The following PTPRD variants were observed in gnomAD, a reference collection of about 807,000 sequenced individuals.
PTPRD encodes the protein protein tyrosine phosphatase receptor type D.
PTPRD carries 34 observed loss-of-function variants against 214.5 expected under a neutral mutation model. The ratio of observed to expected loss-of-function variants is 0.16; its 90% CI spans 0.12 to 0.21. The LOEUF (loss-of-function observed/expected upper bound fraction) is 0.21, where lower values mean the gene tolerates loss of function less well. Among genes scored for constraint, PTPRD ranks in the 10% least tolerant of loss-of-function variants. The pLI is 1.00. For missense variants in PTPRD, 2,545 were observed against 2,398.7 expected (o/e 1.06, Z -1.27); for synonymous variants, 1,128 against 845.7 (o/e 1.33, Z -5.79).
At chr9:9,774,041 A>T (rs1264277496) in intron 5 of PTPRD, among the ~76,000 whole-genome samples, 1 of 152,202 alleles carries the variant, frequency 6.6e-6, no homozygotes, top group Non-Finnish European at 1.5e-5. Flanking sequence ...CATGCAGGTA[A>T]GTGGACATCT....
chr9:9,964,260 C>G (rs1024712338), intron 4 of PTPRD, among the ~76,000 whole-genome samples: 2 of 152,150 alleles, frequency 1.3e-5, no homozygotes, highest in Non-Finnish European at 2.9e-5. Context: ...AAATATTTAA[C>G]CGCTACTAGG....
At chr9:9,739,340 C>A (rs531005375) in intron 6 of PTPRD, among the ~76,000 whole-genome samples, 1 of 152,146 alleles carries the variant, frequency 6.6e-6, no homozygotes, top group African/African-American at 2.4e-5. Flanking sequence ...AGAAAGCACA[C>A]TTCTATAAGA....
chr9:10,017,349 A>T (rs1292526299), intron 4 of PTPRD, among the ~76,000 whole-genome samples: 1 of 151,886 alleles, frequency 6.6e-6, no homozygotes, highest in Non-Finnish European at 1.5e-5. Context: ...TTTAAGTTAT[A>T]TGTGTTGCAT....
chr9:9,012,441 C>G (rs980441706), intron 11 of PTPRD, among the ~76,000 whole-genome samples: 1 of 152,130 alleles, frequency 6.6e-6, no homozygotes, highest in South Asian at 2.1e-4. Context: ...GACCATAAGC[C>G]AAGCATTATT....
chr9:8,551,252 A>AT (rs1003950400), intron 14 of PTPRD, among the ~76,000 whole-genome samples: 18 of 151,894 alleles, frequency 1.2e-4, no homozygotes, highest in Non-Finnish European at 2.4e-4. Context: ...TTGTAATTAA[A>AT]TTTTTTTTCA....
intron 2 of PTPRD, among the ~76,000 whole-genome samples, chr9:10,412,285 T>C (rs1156559543): frequency 6.6e-6 from 1 of 151,648 alleles, no homozygotes; most frequent in Non-Finnish European, 1.5e-5. Flanking sequence ...ACTACGAACA[T>C]CTCTATGCAC....
At chr9:9,878,194 C>T (rs57195658) in intron 5 of PTPRD, among the ~76,000 whole-genome samples, 9,022 of 152,070 alleles carry the variant, frequency 0.059, 845 homozygotes, top group African/African-American at 0.2. Flanking sequence ...TTAAATACTA[C>T]ACAAAATACC....
chr9:10,104,833 G>C (rs1315918507), intron 3 of PTPRD, among the ~76,000 whole-genome samples: 1 of 151,818 alleles, frequency 6.6e-6, no homozygotes, highest in Middle Eastern at 3.2e-3. Context: ...CTTTATACTG[G>C]TCCTTAGCAT....
At chr9:8,847,640 T>A (rs2097724910) in intron 11 of PTPRD, among the ~76,000 whole-genome samples, 2 of 152,248 alleles carry the variant, frequency 1.3e-5, no homozygotes, top group Admixed American at 1.3e-4. Context: ...ATTTTCCAAA[T>A]CATCAAACAA....
intron 11 of PTPRD, among the ~76,000 whole-genome samples, chr9:8,811,181 G>T (rs77985633): frequency 6.6e-6 from 1 of 152,090 alleles, no homozygotes; most frequent in African/African-American, 2.4e-5. Context: ...ATTAATGGGC[G>T]CAGTCTTGAT....
chr9:9,616,134 G>C (rs61142825), intron 7 of PTPRD, among the ~76,000 whole-genome samples: 5,330 of 152,186 alleles, frequency 0.035, 312 homozygotes, highest in African/African-American at 0.12. Context: ...AGGCTCATAA[G>C]AAAGAAAGAC....
intron 2 of PTPRD, among the ~76,000 whole-genome samples, chr9:10,468,716 G>A (rs947189746): frequency 6.6e-6 from 1 of 152,008 alleles, no homozygotes; most frequent in African/African-American, 2.4e-5. Flanking sequence ...ACTCTTGAGA[G>A]GATGTCTTTC....
chr9:9,012,290 A>G (rs2099515096), intron 11 of PTPRD, among the ~76,000 whole-genome samples: 1 of 152,182 alleles, frequency 6.6e-6, no homozygotes, highest in Non-Finnish European at 1.5e-5. Context: ...ATTCTTGCAG[A>G]GGACCCAACT....
At chr9:10,189,146 A>G (rs967826966) in intron 3 of PTPRD, among the ~76,000 whole-genome samples, 3 of 152,182 alleles carry the variant, frequency 2.0e-5, no homozygotes, top group Non-Finnish European at 4.4e-5. Flanking sequence ...CTATGAATAA[A>G]TGCTTTGGAC....
At chr9:9,898,151 G>C (rs2075499437) in intron 5 of PTPRD, among the ~76,000 whole-genome samples, 1 of 152,016 alleles carries the variant, frequency 6.6e-6, no homozygotes, top group African/African-American at 2.4e-5. Flanking sequence ...AACTTCTACA[G>C]TTTTAAATAT....
intron 3 of PTPRD, among the ~76,000 whole-genome samples, chr9:10,099,531 T>A (rs1366180519): frequency 1.3e-5 from 2 of 151,830 alleles, no homozygotes; most frequent in Admixed American, 1.3e-4. Flanking sequence ...TTTGTGAAAT[T>A]TGCAATTAAC....
At chr9:8,392,167 T>G (rs1028208362) in intron 36 of PTPRD, among the ~76,000 whole-genome samples, 2 of 152,198 alleles carry the variant, frequency 1.3e-5, no homozygotes, top group Admixed American at 1.3e-4. Context: ...GGAGGATCAC[T>G]TGAGCCCAGG....
At chr9:9,438,994 A>G (rs1340151476) in intron 8 of PTPRD, among the ~76,000 whole-genome samples, 1 of 152,142 alleles carries the variant, frequency 6.6e-6, no homozygotes, top group African/African-American at 2.4e-5. Context: ...CCTATATGAA[A>G]TAATACACTC....
chr9:8,640,971 A>G (rs2096564283), intron 12 of PTPRD, among the ~76,000 whole-genome samples: 2 of 148,420 alleles, frequency 1.3e-5, no homozygotes. Flanking sequence ...GATATGAGGT[A>G]GAGAGAAGAC....
Sources: allele counts gnomAD v4.1 joint callset (sites outside exome capture counted in the v4.1 genomes callset), GRCh38; gene constraint gnomAD v4.1.1; transcripts MANE v1.5; gene names NCBI Gene and HGNC (gene_info 2026-07-23, HGNC 2026-07-21).